PIK3CB: variants seen among roughly 807,000 people sequenced by gnomAD.
PIK3CB encodes the protein phosphatidylinositol-4,5-bisphosphate 3-kinase catalytic subunit beta, also known as phosphatidylinositol 4,5-bisphosphate 3-kinase catalytic subunit beta isoform.
Under a neutral mutation model 136.8 loss-of-function variants are expected in PIK3CB, and 39 were observed. That is an observed-to-expected ratio of 0.29 (90% CI 0.22 to 0.37). The LOEUF (loss-of-function observed/expected upper bound fraction) is 0.37. Ranked by LOEUF, PIK3CB falls within the 10% of genes least tolerant of loss-of-function variation. The pLI is 1.00. For missense variants in PIK3CB, 868 were observed against 1,275.4 expected (o/e 0.68, Z 4.87); for synonymous variants, 428 against 436.6 (o/e 0.98, Z 0.25).
Position 138,656,124 on chromosome 3 carries a change from G to C in PIK3CB, c.3075+18C>G. 6.2e-7 allele frequency: 1 copy of C among 1,613,102 alleles called. No individual in the cohort carries two copies. The highest frequency in any genetic ancestry group is 1.3e-5 in the African/African-American group (1 of 74,978). On this transcript the variant is annotated intron_variant, in intron 23 of 23. Coordinates refer to ENST00000674063, the MANE Select transcript of PIK3CB (RefSeq NM_006219.3). ...AATGCCCACAAAGTCCAAGAGAGAAGGAAAAGTGGTTTTATACCTTAAGAT... is the reference window on the plus strand; with the variant it reads ...AATGCCCACAAAGTCCAAGAGAGAACGAAAAGTGGTTTTATACCTTAAGAT...
At chr3:138,726,862 T>C (rs1384751645) in intron 8 of PIK3CB, among the ~76,000 whole-genome samples, 1 of 147,326 alleles carries the variant, frequency 6.8e-6, no homozygotes, top group Non-Finnish European at 1.5e-5. Flanking sequence ...GACAACACAG[T>C]GAAATCTCGT....
intron 1 of PIK3CB, among the ~76,000 whole-genome samples, chr3:138,798,076 AAC>A (rs1382720505): frequency 3.3e-5 from 5 of 152,242 alleles, no homozygotes; most frequent in African/African-American, 4.8e-5. Context: ...TTTGCAAAAT[AAC>A]AGTTATAATA....
chr3:138,705,174 C>CAAAAAAAAAAAAAAAAAAAAAAAA (rs1159172292), intron 11 of PIK3CB, among the ~76,000 whole-genome samples: 2 of 57,060 alleles, frequency 3.5e-5, no homozygotes, highest in Non-Finnish European at 5.9e-5. Flanking sequence ...AAAAAAAAAA[C>CAAAAAAAAAAAAAAAAAAAAAAAA]AAAAAACAAA....
chr3:138,808,187 A>G (rs536366791), intron 1 of PIK3CB, among the ~76,000 whole-genome samples: 2 of 152,218 alleles, frequency 1.3e-5, no homozygotes, highest in East Asian at 3.9e-4. Context: ...TCATTTTACC[A>G]TTTCTTTTTC....
At chr3:138,662,844 G>T (rs909437933) in intron 21 of PIK3CB, among the ~76,000 whole-genome samples, 1 of 152,110 alleles carries the variant, frequency 6.6e-6, no homozygotes, top group African/African-American at 2.4e-5. Flanking sequence ...GTTTTGATTT[G>T]CATTTCTCTG....
intron 19 of PIK3CB, 82 bp from the exon 20 acceptor site, chr3:138,665,285 A>T (rs1298443382): frequency 1.7e-5 from 19 of 1,098,996 alleles, no homozygotes; most frequent in Middle Eastern, 2.1e-4. Context: ...TTTACTTTTT[A>T]AAAAAAGTTT....
chr3:138,792,236 G>A (rs74748402), intron 2 of PIK3CB, among the ~76,000 whole-genome samples: 5,097 of 152,164 alleles, frequency 0.033, 135 homozygotes, highest in Non-Finnish European at 0.052. Flanking sequence ...TCGGGTAATG[G>A]TTCTGTTGTG....
In PIK3CB at chr3:138,707,335, C is replaced by T. The variant is rs367926380; in HGVS notation, c.1400-46G>A. ...TGGTTCTTAAAAAATGTCTTTAAAA[C>T]TAGGCTTTAAAAAAGCTGTAATGGA... On this transcript the variant is annotated intron_variant, in intron 10 of 23. Coordinates refer to ENST00000674063, the MANE Select transcript of PIK3CB (RefSeq NM_006219.3). 2.6e-6 allele frequency: 4 copies of T among 1,561,296 alleles called. No homozygotes were observed. The Admixed American group carries it at 8.2e-5, about 32-fold the overall frequency.
In PIK3CB at chr3:138,737,857, A is replaced by G; in HGVS notation, c.651T>C (p.Asn217=). The part of the protein sequence containing the change: ...QDVFSFQVSP[N]MNPIKVNELA... Reference sequence around the variant, plus strand: ...ATTCATTTACTTTGATAGGATTCATATTAGGAGACACTTGAAAGCTAAACA... The same window carrying G: ...ATTCATTTACTTTGATAGGATTCATGTTAGGAGACACTTGAAAGCTAAACA... The change falls in exon 6 of 24, where the codon AAT becomes AAC. Residue 217 remains asparagine (N), a synonymous_variant. Coordinates refer to ENST00000674063, the MANE Select transcript of PIK3CB (RefSeq NM_006219.3). 4.4e-6 allele frequency: 7 copies of G among 1,604,468 alleles called. No homozygotes were observed. Among genetic ancestry groups the G allele is most frequent in the Non-Finnish European group, 6.0e-6 (7 of 1,174,888 alleles).
At chr3:138,743,134 T>A (rs2045277755) in intron 4 of PIK3CB, among the ~76,000 whole-genome samples, 1 of 152,140 alleles carries the variant, frequency 6.6e-6, no homozygotes, top group Non-Finnish European at 1.5e-5. Flanking sequence ...TATTAATAAA[T>A]CACATTTAAA....
intron 4 of PIK3CB, among the ~76,000 whole-genome samples, chr3:138,745,930 T>C (rs1401232879): frequency 2.6e-5 from 4 of 152,054 alleles, no homozygotes; most frequent in African/African-American, 9.7e-5. Flanking sequence ...TTCTCCAGAA[T>C]TGGGCACTTT....
At chr3:138,775,340 A>G (rs749786292) in intron 2 of PIK3CB, among the ~76,000 whole-genome samples, 1 of 152,254 alleles carries the variant, frequency 6.6e-6, no homozygotes, top group Admixed American at 6.5e-5. Context: ...TTAAGATACC[A>G]TATCACACAC....
intron 4 of PIK3CB, among the ~76,000 whole-genome samples, chr3:138,743,857 G>A (rs941140218): frequency 1.3e-4 from 20 of 152,066 alleles, no homozygotes; most frequent in Non-Finnish European, 2.5e-4. Flanking sequence ...CACCATGCCC[G>A]GCCTACATGT....
At chr3:138,659,899 G>A (rs1174334959) in intron 21 of PIK3CB, among the ~76,000 whole-genome samples, 3 of 109,842 alleles carry the variant, frequency 2.7e-5, no homozygotes, top group East Asian at 3.1e-4. Context: ...TTTTTGAGAC[G>A]GAGTCTTGCT....
chr3:138,756,039 A>G, intron 3 of PIK3CB, 60 bp from the exon 4 acceptor site: 1 of 887,468 alleles, frequency 1.1e-6, no homozygotes, highest in South Asian at 1.4e-5. Flanking sequence ...GTACAAAGAT[A>G]TAAGGATGCT....
intron 2 of PIK3CB, among the ~76,000 whole-genome samples, chr3:138,761,776 A>G (rs1489040196): frequency 6.6e-6 from 1 of 152,042 alleles, no homozygotes; most frequent in Admixed American, 6.6e-5. Flanking sequence ...TCTCAAAAAA[A>G]TAAAAATACA....
At chr3:138,796,193 G>A (rs1186291814) in intron 2 of PIK3CB, among the ~76,000 whole-genome samples, 1 of 151,962 alleles carries the variant, frequency 6.6e-6, no homozygotes, top group Non-Finnish European at 1.5e-5. Context: ...CACCAGCCTG[G>A]CCAACATGGT....
intron 9 of PIK3CB, 98 bp downstream of exon 9, chr3:138,714,370 T>C (rs766814574): frequency 8.2e-6 from 6 of 730,370 alleles, no homozygotes; most frequent in Non-Finnish European, 1.3e-5. Flanking sequence ...GGATCAAAGT[T>C]ACCTAATATA....
chr3:138,731,449 C>T (rs1036036011), intron 8 of PIK3CB, among the ~76,000 whole-genome samples: 5 of 151,560 alleles, frequency 3.3e-5, no homozygotes, highest in African/African-American at 4.8e-5. Flanking sequence ...GATGGGATTT[C>T]GCCGTGTTCC....
Sources: gnomAD v4.1 joint callset for allele counts (sites outside exome capture counted in the v4.1 genomes callset) on GRCh38, gnomAD v4.1.1 for gene constraint, MANE v1.5 for transcripts, NCBI Gene and HGNC (gene_info 2026-07-23, HGNC 2026-07-21) for gene names.